The following MARCO variants were observed in gnomAD, a reference collection of about 807,000 sequenced individuals.
The protein encoded by MARCO is macrophage receptor MARCO.
MARCO carries 72 observed loss-of-function variants against 70.0 expected under a neutral mutation model. The ratio of observed to expected loss-of-function variants is 1.03; its 90% CI spans 0.85 to 1.25. MARCO has a LOEUF of 1.25. Among genes scored for constraint, MARCO ranks in the 50% most tolerant of loss-of-function variants. MARCO has a pLI of 0.00. For missense variants in MARCO, 696 were observed against 659.3 expected, an observed-to-expected ratio of 1.06 and a Z score of -0.61; for synonymous variants, 273 against 243.1, an observed-to-expected ratio of 1.12 and a Z score of -1.14.
At chr2:118,954,580 C>G (rs1254307850) in intron 1 of MARCO, among the ~76,000 whole-genome samples, 1 of 152,232 alleles carries the variant, frequency 6.6e-6, no homozygotes, top group East Asian at 1.9e-4. Context: ...CTGATGCTTT[C>G]TGGAAATTGC....
At chr2:118,977,447 G>A in intron 6 of MARCO, 24 bp from the exon 7 acceptor site, 1 of 1,607,816 alleles carries the variant, frequency 6.2e-7, no homozygotes, top group South Asian at 1.1e-5. Context: ...CACAGCAACT[G>A]AGCTCTTTTT....
At chr2:118,945,984 T>C (rs1278005502) in intron 1 of MARCO, among the ~76,000 whole-genome samples, 4 of 152,224 alleles carry the variant, frequency 2.6e-5, no homozygotes, top group African/African-American at 9.6e-5. Flanking sequence ...ACACGACTGC[T>C]ATTATTTCAT....
At position 118,964,023 on chromosome 2, in the gene MARCO, T is replaced by C. The variant is rs185326646; in HGVS notation, c.98-5137T>C. On this transcript the variant is annotated intron_variant, in intron 1 of 16. Transcript: ENST00000327097. ...TAGTGTTTTTTATTGAATAGTTTTC[T>C]TAATGGTTTCTCTACTTATTGCAAT... Among the ~76,000 whole-genome samples the C allele has an allele frequency of 1.6e-4, 25 of 152,342 alleles. No individual in the cohort carries two copies. The East Asian group carries it at 4.4e-3, about 27-fold the overall frequency.
chr2:118,948,240 A>C (rs2104546156), intron 1 of MARCO, among the ~76,000 whole-genome samples: 1 of 152,374 alleles, frequency 6.6e-6, no homozygotes, highest in South Asian at 2.1e-4. Context: ...CCTGAACAAA[A>C]GAAAAGCAGA....
At chr2:118,986,588 A>AGAAAGAAAGAAAGAAG in intron 12 of MARCO, among the ~76,000 whole-genome samples, 1 of 8,054 alleles carries the variant, frequency 1.2e-4, no homozygotes, top group East Asian at 3.5e-3. Flanking sequence ...GAAGGAAAGA[A>AGAAAGAAAGAAAGAAG]GAAAGAAAGA....
chr2:118,979,417 G>A (rs943298317), intron 8 of MARCO, among the ~76,000 whole-genome samples: 2 of 152,176 alleles, frequency 1.3e-5, no homozygotes, highest in Non-Finnish European at 2.9e-5. Flanking sequence ...GGTCTGATGA[G>A]GGATACTGGC....
intron 1 of MARCO, among the ~76,000 whole-genome samples, chr2:118,947,362 A>G (rs923967814): frequency 1.3e-5 from 2 of 152,176 alleles, no homozygotes; most frequent in Non-Finnish European, 1.5e-5. Context: ...TGCAGTGGCT[A>G]TTCACAGGTG....
At position 118,982,023 on chromosome 2, in the gene MARCO, G is replaced by A. The variant is rs1378530683; in HGVS notation, c.902-133G>A. The A allele has an allele frequency of 3.2e-5, 20 of 629,220 alleles. No individual in the cohort carries two copies. In the Admixed American group the frequency reaches 4.6e-4, roughly 14 times the overall value. The allele number at this position is 629,220 out of a possible 1,614,324, so 39.0% of individuals were successfully genotyped here. A position where few individuals can be genotyped will look rare whatever the true frequency, so the allele number is the denominator to read the frequency against. On this transcript the variant is annotated intron_variant, in intron 10 of 16. Coordinates refer to ENST00000327097, the MANE Select transcript of MARCO (RefSeq NM_006770.4). ...TAGCTCATGGCTTCTAAAGAGAGGT[G>A]TTAAAGCTGCCAAGAGGACTGTAAG...
At chr2:118,975,942 G>C (rs1423223355) in intron 6 of MARCO, among the ~76,000 whole-genome samples, 1 of 152,192 alleles carries the variant, frequency 6.6e-6, no homozygotes, top group African/African-American at 2.4e-5. Context: ...CACTCAGCCT[G>C]TGGGGGCTTG....
intron 13 of MARCO, 29 bp downstream of exon 13, chr2:118,990,662 C>T (rs761773191): frequency 8.3e-5 from 131 of 1,572,158 alleles, no homozygotes; most frequent in South Asian, 1.7e-4. Flanking sequence ...CTTCATCCCT[C>T]GGAGTGATGA....
At chr2:118,994,145 G>T (rs528668156) in intron 16 of MARCO, among the ~76,000 whole-genome samples, 4 of 152,142 alleles carry the variant, frequency 2.6e-5, no homozygotes, top group Non-Finnish European at 5.9e-5. Context: ...ATTTGCATGA[G>T]ACTTTTGTCA....
At chr2:118,944,751 G>C (rs947383014) in intron 1 of MARCO, 1 of 151,854 alleles carries the variant, frequency 6.6e-6, no homozygotes, top group African/African-American at 2.4e-5. Context: ...GAAACTTTTG[G>C]AATATAACCT....
Position 118,970,215 on chromosome 2 carries a change from C to T in MARCO, c.301C>T (p.His101Tyr). 1.2e-6 allele frequency: 2 copies of T among 1,614,128 alleles called. No individual in the cohort carries two copies. The highest frequency in any genetic ancestry group is 1.7e-5 in the Admixed American group (1 of 60,016). Residue 101 changes from histidine (H) to tyrosine (Y), a missense_variant, in exon 3 of 17, where the codon CAC (histidine) becomes TAC (tyrosine). By Grantham distance (83) the His-to-Tyr change is moderately conservative. This residue lies in a region of MARCO where 605 missense variants were observed against 537.6 expected (regional missense o/e 1.13). Transcript: ENST00000327097. ...SPSFSLLQSA[H>Y]PGEHLAQGAS... The stretch of plus-strand genomic sequence containing the variant: ...GTCCTTCTCCTTGCTGCAGTCAGCA[C>T]ACCCTGGAGAACACCTGGCTCAGGG...
At chr2:118,969,465 G>GGA (rs1414012046) in intron 2 of MARCO, among the ~76,000 whole-genome samples, 1 of 152,094 alleles carries the variant, frequency 6.6e-6, no homozygotes, top group Non-Finnish European at 1.5e-5. Context: ...CCTGAGGGAG[G>GGA]GAGAGAGAGA....
intron 4 of MARCO, among the ~76,000 whole-genome samples, chr2:118,973,438 A>G (rs758078824): frequency 5.3e-5 from 8 of 151,970 alleles, no homozygotes; most frequent in Non-Finnish European, 1.0e-4. Flanking sequence ...GTGCCCAGAA[A>G]CCAGAGACAG....
At chr2:118,950,802 T>C (rs961761064) in intron 1 of MARCO, among the ~76,000 whole-genome samples, 3 of 151,576 alleles carry the variant, frequency 2.0e-5, no homozygotes, top group African/African-American at 7.3e-5. Context: ...CCTCCCCCCT[T>C]TTTTTTTCCT....
chr2:118,974,107 G>A (rs1444425620), intron 4 of MARCO, among the ~76,000 whole-genome samples: 1 of 152,166 alleles, frequency 6.6e-6, no homozygotes, highest in Non-Finnish European at 1.5e-5. Flanking sequence ...TAAAGGGGCA[G>A]TGCTAACACC....
intron 1 of MARCO, among the ~76,000 whole-genome samples, chr2:118,944,068 T>A (rs1679551639): frequency 6.6e-6 from 1 of 152,070 alleles, no homozygotes; most frequent in African/African-American, 2.4e-5. Flanking sequence ...AGGACAGGGC[T>A]GGGGAGGAAG....
At chr2:118,960,684 A>G (rs78647610) in intron 1 of MARCO, among the ~76,000 whole-genome samples, 19,468 of 152,084 alleles carry the variant, frequency 0.13, 1,360 homozygotes, top group South Asian at 0.27. Flanking sequence ...TTTTTTAAAT[A>G]TATTGCTTGA....
Sources: gnomAD v4.1 joint callset for allele counts (sites outside exome capture counted in the v4.1 genomes callset) on GRCh38, gnomAD v4.1.1 for gene constraint, gnomAD v4.1.1 regional missense constraint, MANE v1.5 for transcripts, NCBI Gene and HGNC (gene_info 2026-07-23, HGNC 2026-07-21) for gene names.